Variants in MAN2A1 observed in about 807,000 individuals in gnomAD.
MAN2A1 encodes alpha-mannosidase 2.
MAN2A1 carries 76 observed loss-of-function variants against 142.6 expected under a neutral mutation model. That is an observed-to-expected ratio of 0.53 (90% confidence interval 0.44 to 0.65). The LOEUF is 0.65. MAN2A1 is among the 30% of genes least tolerant of loss of function. The pLI, the probability that MAN2A1 is intolerant of heterozygous loss-of-function variation, is 0.00. For synonymous variants in MAN2A1, 559 were observed against 473.2 expected (o/e 1.18, Z -2.35); for missense variants, 1,311 against 1,365.1 (o/e 0.96, Z 0.62).
chr5:109,837,734 C>T (rs1029426169), intron 16 of MAN2A1, among the ~76,000 whole-genome samples: 3 of 152,142 alleles, frequency 2.0e-5, no homozygotes, highest in South Asian at 2.1e-4. Flanking sequence ...TACATGTCTA[C>T]GTGCTGGGAA....
At chr5:109,781,790 C>T (rs1274273707) in intron 9 of MAN2A1, among the ~76,000 whole-genome samples, 192 bp downstream of exon 9, 1 of 152,086 alleles carries the variant, frequency 6.6e-6, no homozygotes, top group Non-Finnish European at 1.5e-5. Context: ...CAAATTATTA[C>T]ATGGGTTTTT....
intron 18 of MAN2A1, among the ~76,000 whole-genome samples, chr5:109,846,768 A>G (rs1425431172): frequency 6.6e-6 from 1 of 152,148 alleles, no homozygotes; most frequent in Non-Finnish European, 1.5e-5. Context: ...TGCATTCTGT[A>G]TCTTACACAC....
At chr5:109,761,723 G>A (rs533176453) in intron 5 of MAN2A1, among the ~76,000 whole-genome samples, 4 of 151,832 alleles carry the variant, frequency 2.6e-5, no homozygotes, top group East Asian at 1.9e-4. Context: ...CTTGTATTAC[G>A]TGACAGCTTA....
rs1158580056 is a variant in MAN2A1, at chr5:109,869,421, C to G, written c.*2423C>G. 1 of 152,100 alleles carries G rather than the reference C, an allele frequency of 6.6e-6. No individual in the cohort carries two copies. Among genetic ancestry groups the G allele is most frequent in the East Asian group, 1.9e-4 (1 of 5,188 alleles). The allele number at this position is 152,100 out of a possible 1,614,324, so 9.4% of individuals were successfully genotyped here. On this transcript the variant is annotated 3_prime_UTR_variant, in exon 22 of 22. Transcript: ENST00000261483. ...AAATGCTGTAAAATGTGATGTAAAA[C>G]ATTATCATGATCTTCCCATGCCTTT...
chr5:109,728,476 C>T (rs1751809014), intron 3 of MAN2A1, among the ~76,000 whole-genome samples: 1 of 152,164 alleles, frequency 6.6e-6, no homozygotes, highest in East Asian at 1.9e-4. Flanking sequence ...TGCCTGCCAC[C>T]AGTAGACAGA....
intron 16 of MAN2A1, among the ~76,000 whole-genome samples, chr5:109,833,568 G>C (rs948019094): frequency 1.3e-5 from 2 of 152,018 alleles, no homozygotes; most frequent in Non-Finnish European, 2.9e-5. Context: ...CACTCGGCAG[G>C]CTGAAGCAGG....
intron 4 of MAN2A1, among the ~76,000 whole-genome samples, chr5:109,749,610 C>G: frequency 6.6e-6 from 1 of 151,800 alleles, no homozygotes; most frequent in East Asian, 1.9e-4. Flanking sequence ...TTCACTTTGG[C>G]CTTTAGGTTT....
chr5:109,794,617 G>A (rs1388331262), intron 12 of MAN2A1, among the ~76,000 whole-genome samples: 1 of 152,060 alleles, frequency 6.6e-6, no homozygotes, highest in African/African-American at 2.4e-5. Flanking sequence ...AAATAAAGCT[G>A]TTTTGAACTT....
chr5:109,744,408 A>T (rs1411444459), intron 4 of MAN2A1, among the ~76,000 whole-genome samples: 1 of 152,080 alleles, frequency 6.6e-6, no homozygotes, highest in African/African-American at 2.4e-5. Context: ...GTGAGAAGAG[A>T]ATGGTGATTA....
At chr5:109,783,616 T>G (rs1321728391) in intron 9 of MAN2A1, among the ~76,000 whole-genome samples, 1 of 152,146 alleles carries the variant, frequency 6.6e-6, no homozygotes, top group Non-Finnish European at 1.5e-5. Context: ...ATTTCTAGTG[T>G]CTCCTCTTTT....
intron 12 of MAN2A1, among the ~76,000 whole-genome samples, chr5:109,808,851 G>A (rs749001629): frequency 2.0e-5 from 3 of 151,614 alleles, no homozygotes; most frequent in South Asian, 2.1e-4. Flanking sequence ...CTACACACAC[G>A]CACCACCATG....
intron 4 of MAN2A1, among the ~76,000 whole-genome samples, chr5:109,730,392 A>G (rs1751870188): frequency 1.3e-5 from 2 of 152,158 alleles, no homozygotes; most frequent in African/African-American, 4.8e-5. Context: ...AGTGTTTGAT[A>G]TACAAAATTT....
chr5:109,711,070 C>T (rs1294978750), intron 1 of MAN2A1, among the ~76,000 whole-genome samples: 1 of 152,196 alleles, frequency 6.6e-6, no homozygotes, highest in Non-Finnish European at 1.5e-5. Context: ...AGGTGATCCA[C>T]CCATCTCAGC....
chr5:109,785,512 G>T (rs917559170), intron 10 of MAN2A1, among the ~76,000 whole-genome samples: 33 of 152,038 alleles, frequency 2.2e-4, no homozygotes, highest in African/African-American at 8.0e-4. Context: ...ACTCATTGAA[G>T]GGCTCTCAGA....
intron 19 of MAN2A1, among the ~76,000 whole-genome samples, chr5:109,850,397 C>G (rs374864404): frequency 2.0e-5 from 3 of 152,030 alleles, no homozygotes; most frequent in South Asian, 2.1e-4. Context: ...ATTCTTTAAA[C>G]AAAATACTAG....
At chr5:109,735,878 G>GTTTTTTTT (rs35796131) in intron 4 of MAN2A1, among the ~76,000 whole-genome samples, 2 of 98,404 alleles carry the variant, frequency 2.0e-5, no homozygotes, top group Admixed American at 1.2e-4. Flanking sequence ...TTCCATTGGA[G>GTTTTTTTT]TTTTTTTTTT....
intron 4 of MAN2A1, among the ~76,000 whole-genome samples, chr5:109,736,477 C>T (rs981255960): frequency 1.1e-4 from 16 of 151,922 alleles, no homozygotes; most frequent in African/African-American, 3.4e-4. Flanking sequence ...TGATCATGCC[C>T]CTGCACTCCA....
At chr5:109,816,935 T>C (rs1282359987) in intron 12 of MAN2A1, among the ~76,000 whole-genome samples, 11 of 152,190 alleles carry the variant, frequency 7.2e-5, no homozygotes, top group Admixed American at 7.2e-4. Context: ...TCACAGAATA[T>C]TCCTGTTAAT....
chr5:109,707,923 T>G (rs927767729), intron 1 of MAN2A1, among the ~76,000 whole-genome samples: 1 of 152,162 alleles, frequency 6.6e-6, no homozygotes, highest in Admixed American at 6.5e-5. Context: ...GAAAGCCAAT[T>G]TGAGGCATCA....
Sources: gnomAD v4.1 joint callset for allele counts (sites outside exome capture counted in the v4.1 genomes callset) on GRCh38, gnomAD v4.1.1 for gene constraint, MANE v1.5 for transcripts, NCBI Gene and HGNC (gene_info 2026-07-23, HGNC 2026-07-21) for gene names.